FAM90A20: variants seen among roughly 807,000 people sequenced by gnomAD.
FAM90A20 encodes family with sequence similarity 90 member A20, also known as protein FAM90A20.
At chr8:7,296,348 A>T in the FAM90A20 span, 1 of 744,012 alleles carries the variant, frequency 1.3e-6, no homozygotes, top group Non-Finnish European at 2.4e-6. Context: ...CCTCCAGAGA[A>T]GCCGCTGCCG....
At chr8:7,297,915 A>C in the FAM90A20 span, 2 of 724,662 alleles carry the variant, frequency 2.8e-6, no homozygotes, top group African/African-American at 2.8e-5. Context: ...CAGAGCCCTC[A>C]TGTGTCAGAG....
At chr8:7,295,778 G>T in the FAM90A20 span, 12 of 1,273,172 alleles carry the variant, frequency 9.4e-6, 2 homozygotes, top group Non-Finnish European at 1.3e-5. Flanking sequence ...TGGGGTTGAA[G>T]CCAACCCGGG....
At chr8:7,297,296 C>T in the FAM90A20 span, 4 of 1,342,296 alleles carry the variant, frequency 3.0e-6, 1 homozygote, top group African/African-American at 4.3e-5. Context: ...CCACGAGACT[C>T]TCCTCGTGGT....
the FAM90A20 span, chr8:7,297,346 A>C: frequency 1.3e-4 from 181 of 1,401,944 alleles, 16 homozygotes; most frequent in Non-Finnish European, 1.6e-4. Context: ...GCTGCCGAGA[A>C]GTTCCCCAGG....
chr8:7,297,507 C>T, the FAM90A20 span: 8 of 1,511,848 alleles, frequency 5.3e-6, no homozygotes, highest in Middle Eastern at 2.3e-4. Flanking sequence ...GCCAAGAGAC[C>T]TGCCCAGGCT....
the FAM90A20 span, chr8:7,297,575 C>G: frequency 6.6e-7 from 1 of 1,509,532 alleles, no homozygotes; most frequent in East Asian, 2.2e-5. Flanking sequence ...CTTCCAGATC[C>G]CCGAAAGCAC....
chr8:7,295,878 A>T, the FAM90A20 span: 3 of 654,762 alleles, frequency 4.6e-6, 1 homozygote, highest in Non-Finnish European at 8.0e-6. Flanking sequence ...CTGCCTCCTA[A>T]GGACATGGTG....
the FAM90A20 span, chr8:7,297,786 A>G: frequency 2.9e-3 from 3,853 of 1,333,770 alleles, 242 homozygotes; most frequent in Middle Eastern, 4.0e-3. Flanking sequence ...GCGGCCAGCC[A>G]TGATGGGGCC....
the FAM90A20 span, chr8:7,296,170 G>C: frequency 1.7e-5 from 11 of 641,608 alleles, 2 homozygotes; most frequent in South Asian, 7.8e-5. Context: ...AGGCGGAAAG[G>C]GCACCAGATT....
At chr8:7,296,666 C>T in the FAM90A20 span, among the ~76,000 whole-genome samples, 7 of 134,712 alleles carry the variant, frequency 5.2e-5, no homozygotes. Flanking sequence ...CCCTCAGAGG[C>T]CGCAAACGTG....
the FAM90A20 span, chr8:7,295,817 G>C: frequency 2.0e-6 from 2 of 995,376 alleles, no homozygotes; most frequent in Non-Finnish European, 3.0e-6. Context: ...GGGAGAGAAG[G>C]AAGAGAGACC....
the FAM90A20 span, chr8:7,297,263 C>T: frequency 9.9e-6 from 14 of 1,416,688 alleles, no homozygotes; most frequent in Middle Eastern, 2.4e-4. Context: ...CGACATCCCT[C>T]GGCCTGCAGT....
chr8:7,296,463 C>G, the FAM90A20 span: 1 of 695,168 alleles, frequency 1.4e-6, no homozygotes, highest in Non-Finnish European at 2.6e-6. Flanking sequence ...TTCCTTTCAG[C>G]TTCCCGTCTG....
the FAM90A20 span, chr8:7,297,720 C>T: frequency 2.2e-5 from 33 of 1,493,204 alleles, 4 homozygotes; most frequent in South Asian, 1.5e-4. Context: ...CGGCAGCCTC[C>T]GCACCGCAGA....
the FAM90A20 span, chr8:7,297,660 G>A: frequency 1.5e-6 from 2 of 1,376,878 alleles, no homozygotes; most frequent in East Asian, 2.3e-5. Context: ...GGACCAAGTA[G>A]GTCGCCCCAG....
the FAM90A20 span, chr8:7,297,313 G>A: frequency 1.8e-5 from 25 of 1,357,660 alleles, 2 homozygotes; most frequent in South Asian, 9.3e-5. Context: ...TGGTGGAGCC[G>A]ACACACAGCA....
the FAM90A20 span, chr8:7,297,068 A>T: frequency 6.6e-7 from 1 of 1,507,208 alleles, no homozygotes; most frequent in South Asian, 1.1e-5. Flanking sequence ...TCAGGTTGCA[A>T]GGGGGCCAAT....
At chr8:7,296,872 A>G in the FAM90A20 span, among the ~76,000 whole-genome samples, 1 of 136,842 alleles carries the variant, frequency 7.3e-6, no homozygotes, top group Non-Finnish European at 1.5e-5. Context: ...ACATAGCTCG[A>G]TAGCGCATCG....
the FAM90A20 span, chr8:7,297,376 C>A: frequency 7.7e-5 from 115 of 1,498,498 alleles, 7 homozygotes; most frequent in Non-Finnish European, 9.3e-5. Flanking sequence ...AAACCCACGG[C>A]CTGCTCCAGG....
Sources: allele counts gnomAD v4.1 joint callset (sites outside exome capture counted in the v4.1 genomes callset), GRCh38; gene constraint gnomAD v4.1.1; transcripts MANE v1.5; gene names NCBI Gene and HGNC (gene_info 2026-07-23, HGNC 2026-07-21).